The following AGO2 variants were observed in gnomAD, a reference collection of about 807,000 sequenced individuals.
AGO2 encodes the protein argonaute RISC catalytic component 2, also known as protein argonaute-2.
AGO2 carries 5 observed loss-of-function variants against 102.3 expected under a neutral mutation model. The observed-to-expected ratio is 0.05, with a 90% CI of 0.03 to 0.10. The LOEUF (loss-of-function observed/expected upper bound fraction) is 0.10. Among genes scored for constraint, AGO2 ranks in the 10% least tolerant of loss-of-function variants. The probability of loss-of-function intolerance (pLI) is 1.00; values close to 1 mark genes in which losing one functional copy is unlikely to be tolerated. For missense variants in AGO2, 541 were observed against 1,183.7 expected, an observed-to-expected ratio of 0.46 and a Z score of 7.97; for synonymous variants, 449 against 473.1, an observed-to-expected ratio of 0.95 and a Z score of 0.66.
chr8:140,551,416 A>G lies in AGO2; in HGVS notation c.1290T>C (p.Pro430=), dbSNP rs752477986. 1 of 1,580,122 alleles carries G rather than the reference A, an allele frequency of 6.3e-7. No individual in the cohort carries two copies. Among genetic ancestry groups the G allele is most frequent in the Non-Finnish European group, 8.6e-7 (1 of 1,158,526 alleles). The change falls in exon 11 of 19, where the codon CCT becomes CCC. Residue 430 remains proline, a synonymous_variant. Transcript: ENST00000220592. ...TCCGCATGTCCCAGACGCCCTGGAC[A>G]GGGGTCGCAATAGCTTTATTCTGCA... is the stretch of plus-strand genomic sequence containing the variant. ...YGGRNKAIAT[P]VQGVWDMRNK...
intron 4 of AGO2, among the ~76,000 whole-genome samples, chr8:140,560,854 T>C (rs1275065846): frequency 6.6e-6 from 1 of 152,230 alleles, no homozygotes; most frequent in Non-Finnish European, 1.5e-5. Context: ...CACTGTCTAC[T>C]CTTCACCTCT....
At chr8:140,576,141 C>T (rs1411125732) in intron 2 of AGO2, among the ~76,000 whole-genome samples, 5 of 152,052 alleles carry the variant, frequency 3.3e-5, no homozygotes, top group South Asian at 2.1e-4. Context: ...GGTGAAACCC[C>T]GTCTCTACTA....
At chr8:140,611,945 C>T (rs897719018) in intron 1 of AGO2, among the ~76,000 whole-genome samples, 1 of 152,176 alleles carries the variant, frequency 6.6e-6, no homozygotes, top group Non-Finnish European at 1.5e-5. Flanking sequence ...GTGAGTTCGA[C>T]CGGGCGCGGT....
At chr8:140,594,710 AGATGGGAG>A (rs2073797875) in intron 1 of AGO2, among the ~76,000 whole-genome samples, 1 of 152,044 alleles carries the variant, frequency 6.6e-6, no homozygotes. Context: ...GGGGGTGCTG[AGATGGGAG>A]GATCACTTGA....
intron 1 of AGO2, among the ~76,000 whole-genome samples, chr8:140,630,236 A>G (rs1222157469): frequency 6.6e-6 from 1 of 152,196 alleles, no homozygotes; most frequent in Non-Finnish European, 1.5e-5. Flanking sequence ...AACGCATTGA[A>G]TCTGAGAGGC....
At chr8:140,637,733 A>C (rs1001620931), upstream of AGO2, 1 of 152,160 alleles carries the variant, frequency 6.6e-6, no homozygotes, top group Non-Finnish European at 1.5e-5. Flanking sequence ...CTGCAGCCCC[A>C]TCCCTACCCT....
intron 1 of AGO2, among the ~76,000 whole-genome samples, chr8:140,629,866 G>A (rs150276749): frequency 0.012 from 1,829 of 146,458 alleles, 31 homozygotes; most frequent in African/African-American, 0.044. Context: ...GAGAGGGGAG[G>A]GGAGGGGAGC....
At chr8:140,551,215 C>T in intron 11 of AGO2, 88 bp downstream of exon 11, 3 of 1,387,884 alleles carry the variant, frequency 2.2e-6, no homozygotes. Context: ...CACCCCCACC[C>T]CAACCAGAGT....
At chr8:140,564,640 A>C (rs544740919) in intron 3 of AGO2, among the ~76,000 whole-genome samples, 5 of 152,322 alleles carry the variant, frequency 3.3e-5, no homozygotes, top group Admixed American at 6.5e-5. Flanking sequence ...CAGCTTAAGC[A>C]TGTAAGAATA....
Position 140,567,309 on chromosome 8 carries a change from C to T in AGO2, c.337-4675G>A, listed in dbSNP as rs1348392883. ...CATGGAGATTTTACGACGGCCATCA[C>T]GCCACGAGGGCAGGAGGCACATGGC... On this transcript the variant is annotated intron_variant, in intron 3 of 18. Coordinates refer to ENST00000220592, the MANE Select transcript of AGO2 (RefSeq NM_012154.5). This position sits in a 1 kb window ranked among gnomAD's most constrained non-coding sequence, Gnocchi z 5.0. Among the ~76,000 whole-genome samples, 1 of 152,258 alleles carries T rather than the reference C, an allele frequency of 6.6e-6. No homozygotes were observed. The highest frequency in any genetic ancestry group is 1.5e-5 in the Non-Finnish European group (1 of 68,038).
chr8:140,572,917 G>A lies in AGO2; in HGVS notation c.231C>T (p.His77=), dbSNP rs756090828. The A allele has an allele frequency of 1.2e-6, 2 of 1,609,438 alleles. No individual in the cohort carries two copies. The highest frequency in any genetic ancestry group is 1.7e-5 in the Admixed American group (1 of 59,038). ...TCTGTGTTTTAAAGTGCTGGACCAT[G>A]TGTTCCACGATTTCCCTGAAACAAA... ...PRRVNREIVE[H]MVQHFKTQIF... is the part of the protein sequence containing the mutation. Residue 77 remains histidine (H), a synonymous_variant, in exon 3 of 19, where the codon CAC becomes CAT. Coordinates refer to ENST00000220592, the MANE Select transcript of AGO2 (RefSeq NM_012154.5).
intron 1 of AGO2, among the ~76,000 whole-genome samples, chr8:140,623,592 G>C (rs1319631474): frequency 6.6e-6 from 1 of 152,124 alleles, no homozygotes; most frequent in Non-Finnish European, 1.5e-5. Flanking sequence ...GGTGGGAGCG[G>C]AGGGTGCCGT....
At chr8:140,543,210 A>C (rs377394761) in intron 14 of AGO2, among the ~76,000 whole-genome samples, 20 of 149,242 alleles carry the variant, frequency 1.3e-4, no homozygotes, top group African/African-American at 4.6e-4. Flanking sequence ...ACAACAACAA[A>C]AAAACGACTC....
the AGO2 span, among the ~76,000 whole-genome samples, chr8:140,641,441 A>G: frequency 6.6e-6 from 1 of 152,148 alleles, no homozygotes; most frequent in East Asian, 1.9e-4. Flanking sequence ...GCTTTCCACA[A>G]TGACTCCTTT....
At chr8:140,556,889 A>G (rs2073104788) in intron 8 of AGO2, among the ~76,000 whole-genome samples, 200 bp downstream of exon 8, 1 of 152,172 alleles carries the variant, frequency 6.6e-6, no homozygotes, top group Non-Finnish European at 1.5e-5. Context: ...CCAATCCCAC[A>G]AGAGAGCTGC....
upstream of AGO2, chr8:140,636,349 G>A (rs1340262686): frequency 1.3e-5 from 2 of 152,250 alleles, no homozygotes; most frequent in Non-Finnish European, 2.9e-5. Flanking sequence ...GCAGTCAGGG[G>A]CCTGCTCGGA....
At chr8:140,600,462 C>T (rs918010602) in intron 1 of AGO2, among the ~76,000 whole-genome samples, 5 of 152,296 alleles carry the variant, frequency 3.3e-5, no homozygotes, top group Admixed American at 3.3e-4. Flanking sequence ...GGGCAGATCA[C>T]CTGAGGTCGG....
At position 140,524,897 on chromosome 8, in the gene AGO2, A is replaced by G. The variant is rs565001420; in HGVS notation, c.*7147T>C. On this transcript the variant is annotated 3_prime_UTR_variant, in exon 19 of 19. Transcript: ENST00000220592. ...TTTTAAGGACCTTGGAGCTACAGAA[A>G]GAACTGAATAAGAATGGCCCCAACG... 1.3e-5 allele frequency: 2 copies of G among 152,410 alleles called. No homozygotes were observed. The highest frequency in any genetic ancestry group is 2.9e-5 in the Non-Finnish European group (2 of 68,090). The allele number at this position is 152,410 out of a possible 1,614,324, so 9.4% of individuals were successfully genotyped here.
At chr8:140,579,726 G>A (rs148606942) in intron 2 of AGO2, among the ~76,000 whole-genome samples, 2 of 152,190 alleles carry the variant, frequency 1.3e-5, no homozygotes, top group African/African-American at 2.4e-5. Context: ...AGACTGAGAA[G>A]GAGAACGGGT....
Sources: allele counts gnomAD v4.1 joint callset (sites outside exome capture counted in the v4.1 genomes callset), GRCh38; gene constraint gnomAD v4.1.1; non-coding constraint Gnocchi (gnomAD v3.1); transcripts MANE v1.5; gene names NCBI Gene and HGNC (gene_info 2026-07-23, HGNC 2026-07-21).